The following SCAF8 variants were observed in gnomAD, a reference collection of about 807,000 sequenced individuals.
The protein encoded by SCAF8 is SR-related CTD associated factor 8, also known as SR-related and CTD-associated factor 8.
SCAF8 carries 23 observed loss-of-function variants against 140.5 expected under a neutral mutation model. That is an observed-to-expected ratio of 0.16 (90% CI 0.12 to 0.23). The LOEUF (loss-of-function observed/expected upper bound fraction) is 0.23. Among genes scored for constraint, SCAF8 ranks in the 10% least tolerant of loss-of-function variants. The pLI, the probability that SCAF8 is intolerant of heterozygous loss-of-function variation, is 1.00. For synonymous variants in SCAF8, 575 were observed against 528.9 expected, an observed-to-expected ratio of 1.09 and a Z score of -1.20; for missense variants, 1,397 against 1,555.7, an observed-to-expected ratio of 0.90 and a Z score of 1.72.
intron 10 of SCAF8, 68 bp from the exon 11 acceptor site, chr6:154,808,618 G>C (rs1448799960): frequency 9.8e-7 from 1 of 1,019,172 alleles, no homozygotes; most frequent in Non-Finnish European, 1.5e-6. Context: ...TTTAAAAACA[G>C]AATTGTCAAT....
intron 1 of SCAF8, among the ~76,000 whole-genome samples, chr6:154,771,893 A>C (rs904564828): frequency 1.1e-4 from 17 of 152,098 alleles, no homozygotes; most frequent in African/African-American, 4.1e-4. Flanking sequence ...TTGGGGGGGA[A>C]AAAAAGAAAA....
rs140053166 is a variant in SCAF8 at position 154,788,700 on chromosome 6, A to G, written c.321+678A>G. Among the ~76,000 whole-genome samples, 1,398 of 152,324 alleles carry G rather than the reference A, an allele frequency of 9.2e-3. 62 individuals are homozygous for G. Among genetic ancestry groups the G allele is most frequent in the Admixed American group, 0.069 (1,051 of 15,296 alleles). On this transcript the variant is annotated intron_variant, in intron 4 of 19. Transcript: ENST00000367178. ...TTTAACTGCATATTAAAATTCTTCT[A>G]TTATGGTAGAATTTTATTAATCACA...
At chr6:154,783,267 C>A (rs1224324087) in intron 3 of SCAF8, among the ~76,000 whole-genome samples, 1 of 152,074 alleles carries the variant, frequency 6.6e-6, no homozygotes, top group Non-Finnish European at 1.5e-5. Flanking sequence ...GCAAATGTGT[C>A]TACTAGATTC....
chr6:154,733,729 C>G lies in SCAF8; in HGVS notation c.-172C>G. Reference sequence around the variant, plus strand: ...CGGTGCCGCTCTGCCGCTGAGGGAGCCCTTCCCCGCCAGCGCGTGCCCTTC... The same window carrying G: ...CGGTGCCGCTCTGCCGCTGAGGGAGGCCTTCCCCGCCAGCGCGTGCCCTTC... On this transcript the variant is annotated 5_prime_UTR_variant, in exon 1 of 20. Transcript: ENST00000367178. 3.0e-6 allele frequency: 4 copies of G among 1,325,870 alleles called. No individual in the cohort carries two copies. Among genetic ancestry groups the G allele is most frequent in the Non-Finnish European group, 3.8e-6 (4 of 1,041,584 alleles). The allele number at this position is 1,325,870 out of a possible 1,614,324, so 82.1% of individuals were successfully genotyped here. A position where few individuals can be genotyped will look rare whatever the true frequency, so the allele number is the denominator to read the frequency against.
At chr6:154,748,033 G>C (rs1200779993) in intron 1 of SCAF8, among the ~76,000 whole-genome samples, 1 of 151,992 alleles carries the variant, frequency 6.6e-6, no homozygotes, top group Non-Finnish European at 1.5e-5. Flanking sequence ...TGTTGGGAAA[G>C]TTGATTTAAA....
chr6:154,818,659 C>G (rs1778324650), intron 14 of SCAF8, 67 bp downstream of exon 14: 1 of 688,720 alleles, frequency 1.5e-6, no homozygotes, highest in Admixed American at 2.8e-5. Context: ...ATGTTAAAGT[C>G]TGAGTTTTTC....
At chr6:154,767,441 T>C (rs1776609918) in intron 1 of SCAF8, among the ~76,000 whole-genome samples, 2 of 151,794 alleles carry the variant, frequency 1.3e-5, no homozygotes, top group Non-Finnish European at 2.9e-5. Context: ...GAGATACTCA[T>C]TCTCCTCAAC....
intron 1 of SCAF8, among the ~76,000 whole-genome samples, chr6:154,735,427 TA>T (rs1445412356): frequency 6.6e-6 from 1 of 152,148 alleles, no homozygotes; most frequent in Non-Finnish European, 1.5e-5. Context: ...ATAGCAGTGA[TA>T]CATAACTTTT....
intron 13 of SCAF8, 86 bp from the exon 14 acceptor site, chr6:154,818,393 G>A: frequency 1.8e-6 from 1 of 571,016 alleles, no homozygotes; most frequent in Non-Finnish European, 3.0e-6. Flanking sequence ...TTAGTAAGTA[G>A]TCAATGTTTT....
rs1454221792 is a variant in SCAF8, at chr6:154,754,590, T to G, written c.31-19399T>G. 2.0e-5 allele frequency among the ~76,000 whole-genome samples: 3 copies of G among 152,348 alleles called. No homozygotes were observed. The East Asian group carries it at 5.8e-4, about 29-fold the overall frequency. ...ATTCTGAAAGCAAAAACAGTTGTGATAGTGTTTAATAATTGACAGTGGACC... is the reference window on the plus strand; with the variant it reads ...ATTCTGAAAGCAAAAACAGTTGTGAGAGTGTTTAATAATTGACAGTGGACC... On this transcript the variant is annotated intron_variant, in intron 1 of 19. Transcript: ENST00000367178.
In SCAF8 at chr6:154,802,330, T is replaced by A. The variant is rs558561578; in HGVS notation, c.783+183T>A. On this transcript the variant is annotated intron_variant, in intron 7 of 19. Transcript: ENST00000367178. ...AAAAAATTAAGTAATTAAAAAAATTTTTCCTAGGCCAGGCACAGTGGCTCA... is the reference window on the plus strand; with the variant it reads ...AAAAAATTAAGTAATTAAAAAAATTATTCCTAGGCCAGGCACAGTGGCTCA... 6.6e-5 allele frequency among the ~76,000 whole-genome samples: 10 copies of A among 152,140 alleles called. No individual in the cohort carries two copies. In the South Asian group the frequency reaches 2.1e-3, roughly 32 times the overall value.
chr6:154,820,732 C>T (rs748293860), intron 15 of SCAF8, among the ~76,000 whole-genome samples: 2 of 151,942 alleles, frequency 1.3e-5, no homozygotes, highest in Non-Finnish European at 2.9e-5. Flanking sequence ...GCAATAGAAT[C>T]GTAGTTTAGG....
At chr6:154,750,317 T>A (rs568132443) in intron 1 of SCAF8, among the ~76,000 whole-genome samples, 18 of 152,204 alleles carry the variant, frequency 1.2e-4, no homozygotes, top group Admixed American at 1.1e-3. Context: ...AATATATGGG[T>A]TGGGTACCTG....
intron 4 of SCAF8, 93 bp downstream of exon 4, chr6:154,788,115 T>G (rs1777307216): frequency 9.5e-7 from 1 of 1,056,218 alleles, no homozygotes; most frequent in Admixed American, 2.3e-5. Flanking sequence ...AGTACAGTCA[T>G]GTGCCACATA....
intron 1 of SCAF8, among the ~76,000 whole-genome samples, chr6:154,748,657 C>T (rs1383177808): frequency 6.6e-6 from 1 of 152,040 alleles, no homozygotes; most frequent in Non-Finnish European, 1.5e-5. Flanking sequence ...TTCTGTTGAA[C>T]AAGAAATTCC....
chr6:154,832,058 C>G lies in SCAF8; in HGVS notation c.2479C>G (p.Leu827Val). 6.2e-7 allele frequency: 1 copy of G among 1,614,038 alleles called. No homozygotes were observed. Among genetic ancestry groups the G allele is most frequent in the South Asian group, 1.1e-5 (1 of 91,080 alleles). Residue 827 changes from leucine (L) to valine (V), a missense_variant, in exon 20 of 20, where the codon CTT becomes GTT. Transcript: ENST00000367178. ...RPNVSSNSEI[L>V]GVRPSNVSSS... Reference sequence around the variant, plus strand: ...AAATGTATCAAGTAATTCTGAAATTCTTGGGGTCCGGCCATCTAATGTTTC... The same window carrying G: ...AAATGTATCAAGTAATTCTGAAATTGTTGGGGTCCGGCCATCTAATGTTTC...
At chr6:154,754,191 G>C (rs1274132401) in intron 1 of SCAF8, among the ~76,000 whole-genome samples, 2 of 152,186 alleles carry the variant, frequency 1.3e-5, no homozygotes, top group African/African-American at 2.4e-5. Flanking sequence ...AGTTTATTTA[G>C]CTGTTACTTG....
intron 1 of SCAF8, among the ~76,000 whole-genome samples, chr6:154,770,674 G>T (rs541071238): frequency 1.4e-3 from 218 of 152,230 alleles, no homozygotes; most frequent in Non-Finnish European, 2.1e-3. Flanking sequence ...AGAACTTAAG[G>T]AGGAAGCATG....
At chr6:154,795,541 C>A (rs577815703) in intron 6 of SCAF8, among the ~76,000 whole-genome samples, 1 of 152,108 alleles carries the variant, frequency 6.6e-6, no homozygotes, top group East Asian at 1.9e-4. Context: ...TCTATAGTGA[C>A]TAGATTTGGG....
Sources: allele counts gnomAD v4.1 joint callset (sites outside exome capture counted in the v4.1 genomes callset), GRCh38; gene constraint gnomAD v4.1.1; transcripts MANE v1.5; gene names NCBI Gene and HGNC (gene_info 2026-07-23, HGNC 2026-07-21).